Variants in HLTF observed in about 807,000 individuals in gnomAD.
HLTF encodes the protein helicase like transcription factor, also known as DNA-dependent ATPase/E3 ubiquitin-protein ligase HLTF.
Under a neutral mutation model 129.4 loss-of-function variants are expected in HLTF, and 127 were observed. That is an observed-to-expected ratio of 0.98 (90% CI 0.85 to 1.14). HLTF has a LOEUF of 1.14. Ranked by LOEUF, HLTF falls within the 50% of genes most tolerant of loss-of-function variation. The probability of loss-of-function intolerance (pLI) is 0.00; values close to 1 mark genes in which losing one functional copy is unlikely to be tolerated. For synonymous variants in HLTF, 332 were observed against 388.8 expected, an observed-to-expected ratio of 0.85 and a Z score of 1.72; for missense variants, 1,139 against 1,187.1, an observed-to-expected ratio of 0.96 and a Z score of 0.60.
At chr3:149,050,085 A>G in intron 15 of HLTF, 147 bp downstream of exon 15, 1 of 438,498 alleles carries the variant, frequency 2.3e-6, no homozygotes. Flanking sequence ...AAGTCAAAAA[A>G]AAAAACCATT....
chr3:149,073,503 G>A (rs1007607642), intron 4 of HLTF, among the ~76,000 whole-genome samples, 181 bp from the exon 5 acceptor site: 10 of 152,176 alleles, frequency 6.6e-5, no homozygotes, highest in African/African-American at 2.4e-4. Flanking sequence ...AGACTAGCCT[G>A]GGCAACATGG....
chr3:149,054,211 T>C (rs1212098101), intron 14 of HLTF, among the ~76,000 whole-genome samples: 1 of 152,082 alleles, frequency 6.6e-6, no homozygotes, highest in African/African-American at 2.4e-5. Flanking sequence ...ATTAAGGAAT[T>C]AGTAAGTAAA....
chr3:149,052,196 A>G (rs1227757272), intron 14 of HLTF: 1 of 152,062 alleles, frequency 6.6e-6, no homozygotes, highest in African/African-American at 2.4e-5. Context: ...AAAAAAAGGA[A>G]AGCACATGTG....
chr3:149,031,562 T>C lies in HLTF; in HGVS notation c.*658A>G, dbSNP rs775619855. ...AGTTACATTTAAACAATGAGTGTAGTACTACTTAACTAAAATGGAAAAAAT... is the reference window on the plus strand; with the variant it reads ...AGTTACATTTAAACAATGAGTGTAGCACTACTTAACTAAAATGGAAAAAAT... On this transcript the variant is annotated 3_prime_UTR_variant, in exon 25 of 25. Coordinates refer to ENST00000310053, the MANE Select transcript of HLTF (RefSeq NM_003071.4). 5 of 152,586 alleles carry C rather than the reference T, an allele frequency of 3.3e-5. No individual in the cohort carries two copies. Among genetic ancestry groups the C allele is most frequent in the Non-Finnish European group, 5.9e-5 (4 of 68,038 alleles). 9.5% of individuals were successfully genotyped at this position (152,586 alleles called of 1,614,324 possible).
In HLTF at chr3:149,074,287, T is replaced by C. The variant is rs1479470300; in HGVS notation, c.457A>G (p.Lys153Glu). The C allele has an allele frequency of 1.2e-6, 2 of 1,613,732 alleles. No homozygotes were observed. Among genetic ancestry groups the C allele is most frequent in the Admixed American group, 3.3e-5 (2 of 60,014 alleles). Reference protein sequence around the residue: ...TMPLHMTFWGKEENRKAVSDQ... With the variant: ...TMPLHMTFWGEEENRKAVSDQ... The stretch of plus-strand genomic sequence containing the variant: ...GAAACCGCTTTTCTATTTTCTTCTT[T>C]TCCCCAAAAAGTCATATGCAGAGGC... Residue 153 changes from lysine (K) to glutamate (E), a missense_variant, in exon 4 of 25, where the codon AAA (lysine) becomes GAA (glutamate). Coordinates refer to ENST00000310053, the MANE Select transcript of HLTF (RefSeq NM_003071.4).
intron 2 of HLTF, among the ~76,000 whole-genome samples, chr3:149,082,587 A>G (rs922486125): frequency 5.9e-5 from 9 of 152,274 alleles, no homozygotes; most frequent in African/African-American, 1.9e-4. Flanking sequence ...TGATTGGGGT[A>G]GTAGTTATCA....
chr3:149,051,421 T>C (rs1183886119), intron 14 of HLTF, among the ~76,000 whole-genome samples: 1 of 152,108 alleles, frequency 6.6e-6, no homozygotes, highest in Non-Finnish European at 1.5e-5. Context: ...CAACAGACAG[T>C]ATTTACAGCT....
Position 149,086,509 on chromosome 3 carries a change from A to T in HLTF, c.-173T>A. 1 of 659,546 alleles carries T rather than the reference A, an allele frequency of 1.5e-6. No individual in the cohort carries two copies. Among genetic ancestry groups the T allele is most frequent in the Non-Finnish European group, 2.6e-6 (1 of 380,970 alleles). 40.9% of individuals were successfully genotyped at this position (659,546 alleles called of 1,614,324 possible). On this transcript the variant is annotated 5_prime_UTR_variant, in exon 1 of 25. Transcript: ENST00000310053. ...TCGCCGCGAGTCCAGTCAGACGTCG[A>T]CGCCGTCTCCTTCTGCAACAATCTG...
chr3:149,063,392 T>A (rs752915015), intron 10 of HLTF, 39 bp downstream of exon 10: 5 of 1,285,166 alleles, frequency 3.9e-6, no homozygotes, highest in South Asian at 2.4e-5. Context: ...AAACAGAGTC[T>A]AAATAAACAT....
rs1189181913 is a variant in HLTF at position 149,032,308 on chromosome 3, G to C, written c.2942C>G (p.Ala981Gly). Residue 981 changes from alanine (A) to glycine (G), a missense_variant, in exon 25 of 25, where the codon GCA becomes GGA. Ala to Gly is a moderately conservative substitution (Grantham distance 60). Transcript: ENST00000310053. ...TTTTTTAGTTCCAAAGGCTCCTGCT[G>C]CAAGTTCTCTCTTTTTGTTTTGTAT... ...LKIQNKKREL[A>G]AGAFGTKKPN... 6.3e-7 allele frequency: 1 copy of C among 1,597,644 alleles called. No individual in the cohort carries two copies. The highest frequency in any genetic ancestry group is 8.5e-7 in the Non-Finnish European group (1 of 1,171,730).
intron 2 of HLTF, among the ~76,000 whole-genome samples, chr3:149,077,345 A>T (rs1029646208): frequency 6.6e-6 from 1 of 152,056 alleles, no homozygotes; most frequent in African/African-American, 2.4e-5. Flanking sequence ...ACCAGAAAAA[A>T]AGAGAATGGA....
chr3:149,047,264 A>G (rs1365238100), intron 17 of HLTF, among the ~76,000 whole-genome samples: 1 of 152,210 alleles, frequency 6.6e-6, no homozygotes, highest in Admixed American at 6.5e-5. Flanking sequence ...CTCAACTTTT[A>G]TCTATCTCCA....
rs773325253 is a variant in HLTF at position 149,032,391 on chromosome 3, AAGTT to A, written c.2878-23_2878-20del. On this transcript the variant is annotated intron_variant, in intron 24 of 24. Transcript: ENST00000310053. ...CAATGAACTTTAAAAAGAAAAAAAA[AAGTT>A]AAGTAGTTTTTAAGGCATAGTATTT... 8.5e-6 allele frequency: 12 copies of A among 1,409,696 alleles called. No homozygotes were observed. Among genetic ancestry groups the A allele is most frequent in the African/African-American group, 3.0e-5 (2 of 67,668 alleles). 87.3% of individuals were successfully genotyped at this position (1,409,696 alleles called of 1,614,324 possible).
At chr3:149,035,158 C>CCCT (rs1369571514) in intron 23 of HLTF, among the ~76,000 whole-genome samples, 160 bp from the exon 24 acceptor site, 1 of 152,126 alleles carries the variant, frequency 6.6e-6, no homozygotes, top group African/African-American at 2.4e-5. Flanking sequence ...GAAAAATCCA[C>CCCT]CCTCCCAATC....
chr3:149,042,162 C>T lies in HLTF; in HGVS notation c.2197+4G>A. The T allele has an allele frequency of 6.2e-7, 1 of 1,612,272 alleles. No individual in the cohort carries two copies. Among genetic ancestry groups the T allele is most frequent in the African/African-American group, 1.3e-5 (1 of 74,942 alleles). Reference sequence around the variant, plus strand: ...AATGATATGAAGCAATCAAATTTACCTACCTGAGGGGCCATTGGAAGACAC... The same window carrying T: ...AATGATATGAAGCAATCAAATTTACTTACCTGAGGGGCCATTGGAAGACAC... On this transcript the variant is annotated splice_donor_region_variant and intron_variant, in intron 19 of 24. Coordinates refer to ENST00000310053, the MANE Select transcript of HLTF (RefSeq NM_003071.4).
At chr3:149,073,566 C>T (rs527608752) in intron 4 of HLTF, among the ~76,000 whole-genome samples, 4 of 152,112 alleles carry the variant, frequency 2.6e-5, no homozygotes, top group Non-Finnish European at 5.9e-5. Flanking sequence ...TGATGGTGTG[C>T]GCCTGTAGTC....
chr3:149,058,776 C>T (rs1331033059), intron 13 of HLTF, among the ~76,000 whole-genome samples: 2 of 152,144 alleles, frequency 1.3e-5, no homozygotes, highest in Non-Finnish European at 2.9e-5. Flanking sequence ...CAAAGATATA[C>T]TTAGTTTGGT....
At chr3:149,060,409 T>C (rs1717825396) in intron 12 of HLTF, among the ~76,000 whole-genome samples, 1 of 152,308 alleles carries the variant, frequency 6.6e-6, no homozygotes, top group East Asian at 1.9e-4. Flanking sequence ...TTGTTTTAAG[T>C]ATAGTTTAAA....
intron 14 of HLTF, among the ~76,000 whole-genome samples, chr3:149,054,063 T>C (rs549797774): frequency 6.6e-6 from 1 of 151,828 alleles, no homozygotes; most frequent in Middle Eastern, 3.4e-3. Flanking sequence ...AAAACTTATA[T>C]AAAAAAAGAT....
Sources: allele counts gnomAD v4.1 joint callset (sites outside exome capture counted in the v4.1 genomes callset), GRCh38; gene constraint gnomAD v4.1.1; transcripts MANE v1.5; gene names NCBI Gene and HGNC (gene_info 2026-07-23, HGNC 2026-07-21).